SEMA6D: variants seen among roughly 807,000 people sequenced by gnomAD.
SEMA6D encodes the protein semaphorin-6D.
Under a neutral mutation model 106.6 loss-of-function variants are expected in SEMA6D, and 35 were observed. The ratio of observed to expected loss-of-function variants is 0.33; its 90% CI spans 0.25 to 0.44. The LOEUF (loss-of-function observed/expected upper bound fraction) is 0.44. Among genes scored for constraint, SEMA6D ranks in the 20% least tolerant of loss-of-function variants. The pLI is 1.00. For missense variants in SEMA6D, 1,185 were observed against 1,345.9 expected (o/e 0.88, Z 1.87); for synonymous variants, 499 against 487.7 (o/e 1.02, Z -0.31).
chr15:47,358,299 G>A (rs2038669479), intron 1 of SEMA6D, among the ~76,000 whole-genome samples: 1 of 152,196 alleles, frequency 6.6e-6, no homozygotes, highest in Non-Finnish European at 1.5e-5. Flanking sequence ...CGCTATGGAT[G>A]TCATGATAAC....
rs71432245 is a variant in SEMA6D at position 47,494,800 on chromosome 15, TACAC to T, written c.-87+24282_-87+24285del. Among the ~76,000 whole-genome samples, 359 of 96,432 alleles carry T rather than the reference TACAC, an allele frequency of 3.7e-3. 5 individuals carry two copies. Among genetic ancestry groups the T allele is most frequent in the African/African-American group, 0.011 (298 of 27,942 alleles). The allele number at this position is 96,432 out of a possible 152,430, so 63.3% of individuals were successfully genotyped here. Reference sequence around the variant, plus strand: ...TATATATATATATATAATCTCCAGATACACACACACACACACACACACACACACA... The same window carrying T: ...TATATATATATATATAATCTCCAGATACACACACACACACACACACACACA... On this transcript the variant is annotated intron_variant, in intron 3 of 19. Coordinates refer to the SEMA6D transcript ENST00000558014.
At chr15:47,758,419 T>C (rs1483708053) in intron 1 of SEMA6D, among the ~76,000 whole-genome samples, 3 of 151,932 alleles carry the variant, frequency 2.0e-5, no homozygotes, top group Non-Finnish European at 4.4e-5. Context: ...TTCAGAACAG[T>C]AGCTGCAAGT....
chr15:47,365,208 G>T (rs1352721798), intron 1 of SEMA6D, among the ~76,000 whole-genome samples: 1 of 152,178 alleles, frequency 6.6e-6, no homozygotes, highest in Non-Finnish European at 1.5e-5. Flanking sequence ...GCCTGGCGAG[G>T]CAAGGTTAAA....
chr15:47,403,538 G>C (rs1481368624), intron 1 of SEMA6D, among the ~76,000 whole-genome samples: 1 of 152,194 alleles, frequency 6.6e-6, no homozygotes, highest in Non-Finnish European at 1.5e-5. Flanking sequence ...TAACACAGAA[G>C]TAAGACTCAT....
intron 3 of SEMA6D, among the ~76,000 whole-genome samples, chr15:47,533,721 G>A (rs2045056006): frequency 6.6e-6 from 1 of 152,138 alleles, no homozygotes; most frequent in South Asian, 2.1e-4. Flanking sequence ...AGAGGACAGG[G>A]GGCCATTGGA....
intron 4 of SEMA6D, among the ~76,000 whole-genome samples, chr15:47,653,342 C>T (rs985163798): frequency 6.6e-6 from 1 of 152,146 alleles, no homozygotes; most frequent in Non-Finnish European, 1.5e-5. Context: ...AGAGACTCTT[C>T]AAATATGCAA....
intron 1 of SEMA6D, among the ~76,000 whole-genome samples, chr15:47,228,275 A>G (rs1041544856): frequency 2.0e-5 from 3 of 151,672 alleles, no homozygotes; most frequent in African/African-American, 7.3e-5. Context: ...TTTACCAGGA[A>G]GAACATTGGT....
chr15:47,342,925 C>T (rs1285250531), intron 1 of SEMA6D, among the ~76,000 whole-genome samples: 1 of 152,248 alleles, frequency 6.6e-6, no homozygotes, highest in African/African-American at 2.4e-5. Flanking sequence ...GTTGGCCAAG[C>T]TGATCTCCGA....
intron 4 of SEMA6D, among the ~76,000 whole-genome samples, chr15:47,622,910 C>A (rs1323483375): frequency 1.3e-5 from 2 of 152,092 alleles, no homozygotes; most frequent in Non-Finnish European, 2.9e-5. Context: ...AAGAGAGTTG[C>A]GGGCATGGCC....
At chr15:47,231,729 A>G (rs1197770051) in intron 1 of SEMA6D, among the ~76,000 whole-genome samples, 2 of 152,038 alleles carry the variant, frequency 1.3e-5, no homozygotes, top group African/African-American at 4.8e-5. Flanking sequence ...AGGAGAAGAA[A>G]TATTTTCTAA....
At chr15:47,263,914 T>C (rs914875683) in intron 1 of SEMA6D, among the ~76,000 whole-genome samples, 4 of 150,690 alleles carry the variant, frequency 2.7e-5, no homozygotes, top group African/African-American at 9.8e-5. Context: ...ATTGCAACAC[T>C]ATTCACAATA....
At chr15:47,354,824 G>A (rs573588815) in intron 1 of SEMA6D, among the ~76,000 whole-genome samples, 2 of 152,018 alleles carry the variant, frequency 1.3e-5, no homozygotes, top group East Asian at 1.9e-4. Context: ...GCAGCTCACC[G>A]GCAGGAAAAA....
Position 47,771,181 on chromosome 15 carries a change from T to C in SEMA6D, c.2618T>C (p.Val873Ala), listed in dbSNP as rs2082609526. Residue 873 changes from valine (V) to alanine (A), a missense_variant, in exon 19 of 19, where the codon GTT becomes GCT. Val to Ala is a moderately conservative substitution (Grantham distance 64, BLOSUM62 0). Coordinates refer to ENST00000536845, the MANE Select transcript of SEMA6D (RefSeq NM_001358351.3). Reference protein sequence around the residue: ...SSSKRDHRRSVDSRNTLNDLL... With the variant: ...SSSKRDHRRSADSRNTLNDLL... The stretch of plus-strand genomic sequence containing the variant: ...AGTAAGAGAGATCACCGGCGTTCTG[T>C]TGATTCCAGAAATACCCTCAATGAT... 1 of 1,613,966 alleles carries C rather than the reference T, an allele frequency of 6.2e-7. No individual in the cohort carries two copies. The highest frequency in any genetic ancestry group is 8.5e-7 in the Non-Finnish European group (1 of 1,179,988).
intron 3 of SEMA6D, among the ~76,000 whole-genome samples, chr15:47,596,516 A>G (rs1439066031): frequency 2.0e-5 from 3 of 152,148 alleles, no homozygotes; most frequent in African/African-American, 7.2e-5. Context: ...GCATCACACT[A>G]TTTGACTTTA....
intron 1 of SEMA6D, among the ~76,000 whole-genome samples, chr15:47,215,651 A>T (rs748429824): frequency 1.3e-5 from 2 of 152,174 alleles, no homozygotes; most frequent in Non-Finnish European, 2.9e-5. Flanking sequence ...AGATGCATAT[A>T]TATGTATATA....
In SEMA6D at chr15:47,764,075, C is replaced by T. The variant is rs758336267; in HGVS notation, c.965+8C>T. ...TACCACGCAGCTCAATAGGTGAGAG[C>T]AGAACCCCGGCACTGCAAAGATATT... On this transcript the variant is annotated splice_region_variant and intron_variant, in intron 10 of 18. Transcript: ENST00000536845. 6.8e-6 allele frequency: 11 copies of T among 1,613,752 alleles called. No homozygotes were observed. Among genetic ancestry groups the T allele is most frequent in the Non-Finnish European group, 9.3e-6 (11 of 1,179,752 alleles).
At chr15:47,522,423 T>C (rs376401948) in intron 3 of SEMA6D, among the ~76,000 whole-genome samples, 1 of 152,202 alleles carries the variant, frequency 6.6e-6, no homozygotes, top group Admixed American at 6.5e-5. Flanking sequence ...TCCCTATCAG[T>C]CTATAAACTC....
At chr15:47,630,284 G>T (rs1484403301) in intron 4 of SEMA6D, among the ~76,000 whole-genome samples, 1 of 151,654 alleles carries the variant, frequency 6.6e-6, no homozygotes, top group Non-Finnish European at 1.5e-5. Flanking sequence ...GTTGTGATTT[G>T]TTTCCTTTAA....
chr15:47,673,050 G>A (rs1194535353), intron 4 of SEMA6D, among the ~76,000 whole-genome samples: 1 of 151,896 alleles, frequency 6.6e-6, no homozygotes, highest in Non-Finnish European at 1.5e-5. Context: ...GACCATTTTC[G>A]TGGGTTTCAT....
Sources: allele counts gnomAD v4.1 joint callset (sites outside exome capture counted in the v4.1 genomes callset), GRCh38; gene constraint gnomAD v4.1.1; transcripts MANE v1.5; gene names NCBI Gene and HGNC (gene_info 2026-07-23, HGNC 2026-07-21).